The following SYN3 variants were observed in gnomAD, a reference collection of about 807,000 sequenced individuals.
SYN3 encodes synapsin-3.
In SYN3, 35 loss-of-function variants were observed where a neutral mutation model predicts 65.8. The ratio of observed to expected loss-of-function variants is 0.53; its 90% CI spans 0.41 to 0.70. SYN3 has a LOEUF of 0.70. SYN3 is among the 30% of genes least tolerant of loss of function. The pLI, the probability that SYN3 is intolerant of heterozygous loss-of-function variation, is 0.00. For synonymous variants in SYN3, 270 were observed against 292.9 expected, an observed-to-expected ratio of 0.92 and a Z score of 0.80; for missense variants, 680 against 749.0, an observed-to-expected ratio of 0.91 and a Z score of 1.08.
intron 6 of SYN3, among the ~76,000 whole-genome samples, chr22:32,782,602 C>T (rs1376354626): frequency 6.6e-6 from 1 of 151,140 alleles, no homozygotes; most frequent in African/African-American, 2.4e-5. Flanking sequence ...ACTGCAACCT[C>T]CACCTCCTAG....
chr22:32,702,681 A>G (rs2060825887), intron 6 of SYN3, among the ~76,000 whole-genome samples: 3 of 152,214 alleles, frequency 2.0e-5, no homozygotes, highest in Admixed American at 2.0e-4. Context: ...CTTAATTAAA[A>G]TCAAAGTGCC....
chr22:32,554,337 T>G (rs548605918), intron 7 of SYN3, among the ~76,000 whole-genome samples: 40 of 152,306 alleles, frequency 2.6e-4, no homozygotes, highest in African/African-American at 9.6e-4. Flanking sequence ...CACTCCTCCC[T>G]GTCCGCTCTG....
At chr22:32,798,373 C>T (rs1008457295) in intron 6 of SYN3, among the ~76,000 whole-genome samples, 3 of 152,042 alleles carry the variant, frequency 2.0e-5, no homozygotes, top group Non-Finnish European at 4.4e-5. Flanking sequence ...GGACTGAGCC[C>T]TGAAAATGGG....
intron 6 of SYN3, chr22:32,860,942 A>G (rs1200731241): frequency 6.8e-6 from 1 of 148,112 alleles, no homozygotes; most frequent in Non-Finnish European, 1.5e-5. Context: ...AAATAAAACT[A>G]TAATATAAAT....
At chr22:32,764,835 G>A (rs538761990) in intron 6 of SYN3, among the ~76,000 whole-genome samples, 4 of 152,292 alleles carry the variant, frequency 2.6e-5, no homozygotes, top group Admixed American at 2.6e-4. Flanking sequence ...GCAATGGCAA[G>A]CCTCTGCCAT....
At chr22:33,049,711 A>G (rs2145968612) in intron 1 of SYN3, among the ~76,000 whole-genome samples, 1 of 152,150 alleles carries the variant, frequency 6.6e-6, no homozygotes, top group East Asian at 1.9e-4. Flanking sequence ...TGTGGCAACT[A>G]CTCTTACAGT....
At chr22:33,008,974 G>GAA (rs1389601972) in intron 1 of SYN3, among the ~76,000 whole-genome samples, 10,505 of 129,322 alleles carry the variant, frequency 0.081, 823 homozygotes, top group East Asian at 0.31. Context: ...GAGAGAGAGA[G>GAA]AAAAGAAAAA....
At chr22:32,772,952 A>T (rs73156485) in intron 6 of SYN3, among the ~76,000 whole-genome samples, 14,856 of 152,240 alleles carry the variant, frequency 0.098, 897 homozygotes, top group Admixed American at 0.15. Context: ...TACAGCAGCC[A>T]CAAGAAACTA....
At chr22:32,947,257 C>T (rs9621606) in intron 3 of SYN3, among the ~76,000 whole-genome samples, 8,118 of 152,140 alleles carry the variant, frequency 0.053, 705 homozygotes, top group African/African-American at 0.18. Flanking sequence ...TTTTTCTCAA[C>T]CAATGTCCCC....
chr22:32,597,589 T>C lies in SYN3; in HGVS notation c.712-853A>G, dbSNP rs538877958. On this transcript the variant is annotated intron_variant, in intron 6 of 13. Coordinates refer to ENST00000358763, the MANE Select transcript of SYN3 (RefSeq NM_003490.4). ...TCCCTTAAGCCTCCCCAGGCCACCA[T>C]ACGAGGCTGCTTAATAATAGCGGCC... Among the ~76,000 whole-genome samples, 20 of 152,266 alleles carry C rather than the reference T, an allele frequency of 1.3e-4. No individual in the cohort carries two copies. In the South Asian group the frequency reaches 4.1e-3, roughly 32 times the overall value.
chr22:32,838,697 AACTCTATGGAACAAGG>A (rs2047806953), intron 6 of SYN3, among the ~76,000 whole-genome samples: 1 of 151,928 alleles, frequency 6.6e-6, no homozygotes, highest in Non-Finnish European at 1.5e-5. Context: ...TTTTCTGAGT[AACTCTATGGAACAAGG>A]ACTCCTGACC....
At chr22:33,045,196 C>G (rs1265807057) in intron 1 of SYN3, among the ~76,000 whole-genome samples, 1 of 152,134 alleles carries the variant, frequency 6.6e-6, no homozygotes, top group East Asian at 1.9e-4. Context: ...AGACAGCTAG[C>G]CTTGCAAACC....
At chr22:32,901,975 TC>T (rs2049772410) in intron 4 of SYN3, among the ~76,000 whole-genome samples, 1 of 152,170 alleles carries the variant, frequency 6.6e-6, no homozygotes, top group South Asian at 2.1e-4. Flanking sequence ...GCAGAGCCCC[TC>T]TTGGAAAGGG....
chr22:32,598,889 C>T (rs2059241463), intron 6 of SYN3, among the ~76,000 whole-genome samples: 1 of 151,860 alleles, frequency 6.6e-6, no homozygotes, highest in Non-Finnish European at 1.5e-5. Context: ...GATTTTGATT[C>T]CAAAAGCAAT....
intron 6 of SYN3, among the ~76,000 whole-genome samples, chr22:32,644,330 G>A (rs1249809098): frequency 6.6e-6 from 1 of 152,124 alleles, no homozygotes; most frequent in Non-Finnish European, 1.5e-5. Context: ...CAGGGTTGGA[G>A]GCTGGCAGTG....
At chr22:32,974,035 T>G (rs1393388130) in intron 3 of SYN3, among the ~76,000 whole-genome samples, 1 of 152,230 alleles carries the variant, frequency 6.6e-6, no homozygotes, top group Non-Finnish European at 1.5e-5. Context: ...GTGATTTGCC[T>G]GCCTCAGCCT....
chr22:32,928,951 C>T (rs2050553055), intron 4 of SYN3, among the ~76,000 whole-genome samples: 1 of 152,008 alleles, frequency 6.6e-6, no homozygotes, highest in Non-Finnish European at 1.5e-5. Context: ...ATTTTGATTA[C>T]TGTAGTTTTC....
chr22:32,830,116 C>T (rs1227434437), intron 6 of SYN3, among the ~76,000 whole-genome samples: 1 of 152,204 alleles, frequency 6.6e-6, no homozygotes, highest in African/African-American at 2.4e-5. Context: ...TGTGAGCTTG[C>T]ACGGCCCATA....
At chr22:32,648,704 C>T (rs980138512) in intron 6 of SYN3, among the ~76,000 whole-genome samples, 2 of 152,174 alleles carry the variant, frequency 1.3e-5, no homozygotes, top group African/African-American at 4.8e-5. Context: ...AAAATGGGAA[C>T]GTACTACCTC....
Sources: gnomAD v4.1 joint callset for allele counts (sites outside exome capture counted in the v4.1 genomes callset) on GRCh38, gnomAD v4.1.1 for gene constraint, MANE v1.5 for transcripts, NCBI Gene and HGNC (gene_info 2026-07-23, HGNC 2026-07-21) for gene names.